Variants in LCA5 observed in about 807,000 individuals in gnomAD.
The protein encoded by LCA5 is lebercilin.
In LCA5, 37 loss-of-function variants were observed where a neutral mutation model predicts 53.0. The observed-to-expected ratio is 0.70, with a 90% confidence interval of 0.54 to 0.92. LCA5 has a LOEUF of 0.92. Among genes scored for constraint, LCA5 ranks in the 40% least tolerant of loss-of-function variants. LCA5 has a pLI of 0.00. For synonymous variants in LCA5, 303 were observed against 282.9 expected (o/e 1.07, Z -0.71); for missense variants, 806 against 790.5 (o/e 1.02, Z -0.23).
intron 3 of LCA5, among the ~76,000 whole-genome samples, chr6:79,499,966 G>A (rs1161447061): frequency 4.0e-5 from 6 of 150,666 alleles, no homozygotes; most frequent in Admixed American, 2.7e-4. Context: ...TTGTTCTTGC[G>A]ATAGTTTACT....
rs1416372701 is a variant in LCA5 at position 79,486,769 on chromosome 6, T to C, written c.*235A>G. The C allele has an allele frequency of 6.9e-6, 3 of 437,416 alleles. No homozygotes were observed. Among genetic ancestry groups the C allele is most frequent in the Admixed American group, 3.9e-5 (1 of 25,448 alleles). The allele number at this position is 437,416 out of a possible 1,614,324, so 27.1% of individuals were successfully genotyped here. A position where few individuals can be genotyped will look rare whatever the true frequency, so the allele number is the denominator to read the frequency against. ...GGATGAAGAGTTAAAATCTATTTCA[T>C]TTTTCAAGACATATTTTTATTTTTG... On this transcript the variant is annotated 3_prime_UTR_variant, in exon 8 of 8. Coordinates refer to ENST00000369846, the MANE Select transcript of LCA5 (RefSeq NM_001122769.3).
At chr6:79,498,935 A>C (rs1191275574) in intron 3 of LCA5, among the ~76,000 whole-genome samples, 5 of 152,122 alleles carry the variant, frequency 3.3e-5, no homozygotes, top group Admixed American at 6.6e-5. Flanking sequence ...TAGTGGAAAA[A>C]TAAAATTGTA....
chr6:79,508,354 C>T (rs1215964550), intron 3 of LCA5, among the ~76,000 whole-genome samples: 1 of 152,166 alleles, frequency 6.6e-6, no homozygotes, highest in African/African-American at 2.4e-5. Flanking sequence ...AGATTCTGTG[C>T]ATTCTGTCAC....
At chr6:79,521,627 G>A (rs1389110924) in intron 1 of LCA5, among the ~76,000 whole-genome samples, 1 of 152,158 alleles carries the variant, frequency 6.6e-6, no homozygotes, top group East Asian at 1.9e-4. Flanking sequence ...ATGAGTGTCA[G>A]TATGAATTTA....
At chr6:79,501,540 G>T (rs1770139054) in intron 3 of LCA5, among the ~76,000 whole-genome samples, 2 of 151,626 alleles carry the variant, frequency 1.3e-5, no homozygotes, top group Non-Finnish European at 2.9e-5. Flanking sequence ...CAATTGTAAA[G>T]CTTTCTAACA....
chr6:79,492,551 C>T lies in LCA5; in HGVS notation c.955G>A (p.Ala319Thr), dbSNP rs1178243254. 6 of 1,440,110 alleles carry T rather than the reference C, an allele frequency of 4.2e-6. No homozygotes were observed. Among genetic ancestry groups the T allele is most frequent in the Admixed American group, 1.8e-5 (1 of 57,066 alleles). The allele number at this position is 1,440,110 out of a possible 1,614,324, so 89.2% of individuals were successfully genotyped here. Residue 319 changes from alanine to threonine, a missense_variant and splice_region_variant, in exon 5 of 8, where the codon GCT (alanine) becomes ACT (threonine). Ala to Thr is a moderately conservative substitution (Grantham distance 58, BLOSUM62 0). Coordinates refer to ENST00000369846, the MANE Select transcript of LCA5 (RefSeq NM_001122769.3). Reference sequence around the variant, plus strand: ...TTTTGAACAATCATATTTACCATACCATTTTTTCTTAATGCAAGTTCTTTC... The same window carrying T: ...TTTTGAACAATCATATTTACCATACTATTTTTTCTTAATGCAAGTTCTTTC... Reference protein sequence around the residue: ...KEKELALRKNAACQSDFADLC... With the variant: ...KEKELALRKNTACQSDFADLC...
chr6:79,535,549 T>G (rs1314730853), intron 1 of LCA5, among the ~76,000 whole-genome samples: 1 of 152,152 alleles, frequency 6.6e-6, no homozygotes, highest in East Asian at 1.9e-4. Context: ...TCCAAAGTTT[T>G]GGGCTTGCAA....
rs1045954262 is a variant in LCA5 at position 79,486,371 on chromosome 6, A to C, written c.*633T>G. On this transcript the variant is annotated 3_prime_UTR_variant, in exon 8 of 8. Coordinates refer to ENST00000369846, the MANE Select transcript of LCA5 (RefSeq NM_001122769.3). ...TCTTCCGAACTCAACATAATATTCT[A>C]ACAGAATTGTAGGTAAGTGATTTCA... is the stretch of plus-strand genomic sequence containing the variant. 15 of 152,382 alleles carry C rather than the reference A, an allele frequency of 9.8e-5. No homozygotes were observed. The highest frequency in any genetic ancestry group is 3.4e-4 in the African/African-American group (14 of 41,570). 9.4% of individuals were successfully genotyped at this position (152,382 alleles called of 1,614,324 possible). A position where few individuals can be genotyped will look rare whatever the true frequency, so the allele number is the denominator to read the frequency against.
intron 1 of LCA5, among the ~76,000 whole-genome samples, chr6:79,519,646 G>C (rs952955974): frequency 6.6e-6 from 1 of 151,034 alleles, no homozygotes; most frequent in Admixed American, 6.6e-5. Flanking sequence ...GAACCCAGGA[G>C]GCCGAGGTTG....
intron 3 of LCA5, among the ~76,000 whole-genome samples, chr6:79,499,924 C>T (rs1202621778): frequency 6.6e-6 from 1 of 150,526 alleles, no homozygotes; most frequent in East Asian, 1.9e-4. Context: ...TCAATTCCCA[C>T]CTATGAGTGA....
chr6:79,513,356 T>A lies in LCA5; in HGVS notation c.576A>T (p.Thr192=), dbSNP rs753995439. The change falls in exon 3 of 8, where the codon ACA becomes ACT. Residue 192 remains threonine, a synonymous_variant. Coordinates refer to ENST00000369846, the MANE Select transcript of LCA5 (RefSeq NM_001122769.3). ...ATTTTGTCCTAAATAGTTCACTTTC[T>A]GTATCTTTTACCCTTTTCTCAGTTG... ...ERATEKRVKD[T]ESELFRTKFS... The A allele has an allele frequency of 1.4e-5, 22 of 1,613,882 alleles. No individual in the cohort carries two copies. Among genetic ancestry groups the A allele is most frequent in the Non-Finnish European group, 1.8e-5 (21 of 1,179,926 alleles).
intron 3 of LCA5, among the ~76,000 whole-genome samples, chr6:79,495,031 T>C (rs1769942011): frequency 6.6e-6 from 1 of 152,208 alleles, no homozygotes; most frequent in Non-Finnish European, 1.5e-5. Flanking sequence ...TGTGACCTGG[T>C]AGGAACCGGG....
At chr6:79,515,184 T>G (rs977509111) in intron 2 of LCA5, among the ~76,000 whole-genome samples, 3 of 152,118 alleles carry the variant, frequency 2.0e-5, no homozygotes, top group African/African-American at 7.2e-5. Context: ...CCAAGTCTAT[T>G]TACCCAGCCC....
chr6:79,529,843 C>G (rs1400954917), intron 1 of LCA5, among the ~76,000 whole-genome samples: 2 of 151,162 alleles, frequency 1.3e-5, no homozygotes, highest in Non-Finnish European at 2.9e-5. Context: ...TCTCAGCAAA[C>G]TATTGCAAGG....
intron 1 of LCA5, among the ~76,000 whole-genome samples, chr6:79,528,795 C>T (rs531639502): frequency 6.6e-6 from 1 of 152,258 alleles, no homozygotes; most frequent in East Asian, 1.9e-4. Flanking sequence ...ATGCCATCAG[C>T]CAAATGGCCT....
At chr6:79,523,025 T>C (rs932726443) in intron 1 of LCA5, among the ~76,000 whole-genome samples, 3 of 152,176 alleles carry the variant, frequency 2.0e-5, no homozygotes, top group Non-Finnish European at 2.9e-5. Context: ...GTAAAGATTA[T>C]ACAAAATTGA....
chr6:79,489,601 T>C (rs1457332390), intron 6 of LCA5, among the ~76,000 whole-genome samples: 3 of 152,132 alleles, frequency 2.0e-5, no homozygotes, highest in East Asian at 1.9e-4. Context: ...TGAGATGCTG[T>C]TGAACTATAA....
rs1769637896 is a variant in LCA5 at position 79,485,844 on chromosome 6, C to T, written c.*1160G>A. ...TTCTCCTTGGGCTGGTGGTATATTACTGCTTTTTAAAGACCAATCATACCC... is the reference window on the plus strand; with the variant it reads ...TTCTCCTTGGGCTGGTGGTATATTATTGCTTTTTAAAGACCAATCATACCC... On this transcript the variant is annotated 3_prime_UTR_variant, in exon 8 of 8. Coordinates refer to ENST00000369846, the MANE Select transcript of LCA5 (RefSeq NM_001122769.3). 1 of 152,236 alleles carries T rather than the reference C, an allele frequency of 6.6e-6. No homozygotes were observed. Among genetic ancestry groups the T allele is most frequent in the Middle Eastern group, 3.4e-3 (1 of 294 alleles). The allele number at this position is 152,236 out of a possible 1,614,324, so 9.4% of individuals were successfully genotyped here. A position where few individuals can be genotyped will look rare whatever the true frequency, so the allele number is the denominator to read the frequency against.
chr6:79,516,040 A>G (rs1350432179), intron 2 of LCA5, among the ~76,000 whole-genome samples: 1 of 152,080 alleles, frequency 6.6e-6, no homozygotes, highest in Non-Finnish European at 1.5e-5. Flanking sequence ...ATTCAAAAAT[A>G]AAAATAATGC....
Sources: gnomAD v4.1 joint callset for allele counts (sites outside exome capture counted in the v4.1 genomes callset) on GRCh38, gnomAD v4.1.1 for gene constraint, MANE v1.5 for transcripts, NCBI Gene and HGNC (gene_info 2026-07-23, HGNC 2026-07-21) for gene names.